IMMP2L: variants seen among roughly 807,000 people sequenced by gnomAD.
IMMP2L encodes inner mitochondrial membrane peptidase subunit 2.
In IMMP2L, 18 loss-of-function variants were observed where a neutral mutation model predicts 19.3. That is an observed-to-expected ratio of 0.93 (90% CI 0.64 to 1.38). The LOEUF is 1.38. Among genes scored for constraint, IMMP2L ranks in the 40% most tolerant of loss-of-function variants. The pLI is 0.00. For missense variants in IMMP2L, 233 were observed against 218.2 expected (o/e 1.07, Z -0.43); for synonymous variants, 76 against 73.0 (o/e 1.04, Z -0.21).
intron 3 of IMMP2L, among the ~76,000 whole-genome samples, chr7:111,355,503 G>A (rs930403088): frequency 4.6e-5 from 7 of 151,384 alleles, no homozygotes; most frequent in Non-Finnish European, 1.0e-4. Flanking sequence ...AGTAATTTCA[G>A]ATATTTTTTC....
At chr7:110,666,924 T>G (rs1791499571) in intron 5 of IMMP2L, among the ~76,000 whole-genome samples, 1 of 152,118 alleles carries the variant, frequency 6.6e-6, no homozygotes, top group South Asian at 2.1e-4. Context: ...TAGGCCGGAG[T>G]GCAGTGGCAT....
At chr7:111,178,447 A>T (rs908280329) in intron 3 of IMMP2L, among the ~76,000 whole-genome samples, 27 of 152,056 alleles carry the variant, frequency 1.8e-4, no homozygotes, top group Admixed American at 1.3e-4. Flanking sequence ...AATTTTCTTA[A>T]GAAAACCATA....
chr7:111,104,184 TTTACTATTCGCATC>T (rs1464819102), intron 3 of IMMP2L, among the ~76,000 whole-genome samples: 3 of 151,670 alleles, frequency 2.0e-5, no homozygotes, highest in Non-Finnish European at 4.4e-5. Flanking sequence ...CATACCTGCC[TTTACTATTCGCATC>T]TTGAGCCAAT....
At chr7:110,663,804 A>T (rs1216997530) in intron 5 of IMMP2L, 83 bp from the exon 6 acceptor site, 1 of 967,602 alleles carries the variant, frequency 1.0e-6, no homozygotes, top group Non-Finnish European at 1.5e-6. Flanking sequence ...GCAGAATTTA[A>T]TCCAGGTTTA....
At chr7:111,493,777 G>A (rs979097596) in intron 2 of IMMP2L, among the ~76,000 whole-genome samples, 11 of 150,462 alleles carry the variant, frequency 7.3e-5, no homozygotes, top group Admixed American at 2.7e-4. Context: ...GGAGGCCGAG[G>A]CAGGCAGATC....
chr7:110,968,822 G>A (rs1053536522), intron 3 of IMMP2L, among the ~76,000 whole-genome samples: 6 of 152,046 alleles, frequency 3.9e-5, no homozygotes, highest in African/African-American at 7.2e-5. Context: ...GAGAGAAAAC[G>A]CATAAAAGGT....
chr7:111,204,867 G>A (rs1278184086), intron 3 of IMMP2L, among the ~76,000 whole-genome samples: 2 of 152,030 alleles, frequency 1.3e-5, no homozygotes, highest in African/African-American at 4.8e-5. Context: ...GAGTATATTG[G>A]GATGTAAAGT....
chr7:111,325,116 A>G (rs1385118771), intron 3 of IMMP2L, among the ~76,000 whole-genome samples: 1 of 151,748 alleles, frequency 6.6e-6, no homozygotes, highest in African/African-American at 2.4e-5. Context: ...CTAGCATAAA[A>G]CCCAATAATA....
intron 4 of IMMP2L, among the ~76,000 whole-genome samples, chr7:110,907,255 T>C (rs1812561773): frequency 6.6e-6 from 1 of 152,136 alleles, no homozygotes; most frequent in Non-Finnish European, 1.5e-5. Context: ...GTCAGACGAA[T>C]AAACTGAATT....
At chr7:110,908,867 G>C (rs940818725) in intron 4 of IMMP2L, among the ~76,000 whole-genome samples, 1 of 152,096 alleles carries the variant, frequency 6.6e-6, no homozygotes, top group Non-Finnish European at 1.5e-5. Context: ...CCATGCACTG[G>C]GATGCAAAAA....
At chr7:110,927,146 T>G (rs1037631724) in intron 4 of IMMP2L, among the ~76,000 whole-genome samples, 44 of 152,154 alleles carry the variant, frequency 2.9e-4, no homozygotes, top group African/African-American at 9.9e-4. Context: ...ACCTCTATTC[T>G]CCCGCCCATC....
chr7:110,917,999 A>T (rs904842078), intron 4 of IMMP2L, among the ~76,000 whole-genome samples: 7 of 152,200 alleles, frequency 4.6e-5, no homozygotes, highest in Non-Finnish European at 1.0e-4. Flanking sequence ...ATATTTCCTA[A>T]GTCTCCCACC....
intron 3 of IMMP2L, among the ~76,000 whole-genome samples, chr7:111,416,647 T>C (rs1184880019): frequency 6.6e-6 from 1 of 151,796 alleles, no homozygotes. Flanking sequence ...TTTAATATGA[T>C]TGGTTCTAAT....
At chr7:111,021,883 AAAACAAAC>A (rs35897140) in intron 3 of IMMP2L, among the ~76,000 whole-genome samples, 1 of 150,304 alleles carries the variant, frequency 6.7e-6, no homozygotes, top group South Asian at 2.1e-4. Context: ...ACTCCATATC[AAAACAAAC>A]AAACAAACAA....
intron 5 of IMMP2L, among the ~76,000 whole-genome samples, chr7:110,672,352 T>C (rs1584462478): frequency 6.6e-6 from 1 of 152,076 alleles, no homozygotes; most frequent in Non-Finnish European, 1.5e-5. Flanking sequence ...GTCCCTCCCA[T>C]GACATGTGGG....
At chr7:111,499,179 G>C (rs1262882999) in intron 2 of IMMP2L, among the ~76,000 whole-genome samples, 1 of 152,120 alleles carries the variant, frequency 6.6e-6, no homozygotes, top group Non-Finnish European at 1.5e-5. Context: ...CATCTACCAA[G>C]CCTCTGTTTG....
intron 3 of IMMP2L, chr7:111,391,936 G>A (rs1832394928): frequency 1.4e-6 from 1 of 702,850 alleles, no homozygotes; most frequent in Admixed American, 2.0e-5. Context: ...CCTCAGATAT[G>A]CACTTCTTCA....
chr7:111,276,891 G>A (rs1325248663), intron 3 of IMMP2L, among the ~76,000 whole-genome samples: 1 of 152,024 alleles, frequency 6.6e-6, no homozygotes, highest in East Asian at 1.9e-4. Flanking sequence ...TTAATAAATG[G>A]TGCTGGAAAA....
intron 5 of IMMP2L, among the ~76,000 whole-genome samples, chr7:110,736,129 G>C (rs1052106145): frequency 6.6e-6 from 1 of 152,118 alleles, no homozygotes; most frequent in Non-Finnish European, 1.5e-5. Flanking sequence ...GGGCCACCCT[G>C]CTGGAACATA....
Sources: gnomAD v4.1 joint callset for allele counts (sites outside exome capture counted in the v4.1 genomes callset) on GRCh38, gnomAD v4.1.1 for gene constraint, MANE v1.5 for transcripts, NCBI Gene and HGNC (gene_info 2026-07-23, HGNC 2026-07-21) for gene names.